Variants in EYS observed in about 807,000 individuals in gnomAD.
EYS encodes the protein EGF-like photoreceptor maintenance factor.
In EYS, 250 loss-of-function variants were observed where a neutral mutation model predicts 282.1. That is an observed-to-expected ratio of 0.89 (90% CI 0.80 to 0.98). The LOEUF (loss-of-function observed/expected upper bound fraction) is 0.98. Among genes scored for constraint, EYS ranks in the 50% least tolerant of loss-of-function variants. EYS has a pLI of 0.00. For synonymous variants in EYS, 1,355 were observed against 1,282.9 expected, an observed-to-expected ratio of 1.06 and a Z score of -1.20; for missense variants, 4,016 against 3,709.0, an observed-to-expected ratio of 1.08 and a Z score of -2.15.
chr6:64,557,315 G>A (rs1423906572), intron 26 of EYS, among the ~76,000 whole-genome samples: 1 of 151,672 alleles, frequency 6.6e-6, no homozygotes, highest in Non-Finnish European at 1.5e-5. Context: ...GAAAATTTGT[G>A]ATTACAAGTT....
chr6:64,372,716 T>C (rs1031480191), intron 29 of EYS, among the ~76,000 whole-genome samples: 2 of 152,222 alleles, frequency 1.3e-5, no homozygotes, highest in African/African-American at 4.8e-5. Flanking sequence ...CATAATCCCA[T>C]ATTTGTCAGA....
intron 12 of EYS, among the ~76,000 whole-genome samples, chr6:65,091,460 T>C (rs1332132479): frequency 1.3e-5 from 2 of 150,068 alleles, no homozygotes; most frequent in Non-Finnish European, 3.0e-5. Flanking sequence ...AAGAAATAAA[T>C]AAATAAATAA....
At chr6:64,397,003 C>T (rs1364004488) in intron 28 of EYS, among the ~76,000 whole-genome samples, 2 of 151,924 alleles carry the variant, frequency 1.3e-5, no homozygotes, top group Admixed American at 1.3e-4. Context: ...TATTACACTG[C>T]CTGATACTGA....
At chr6:64,604,917 C>T (rs1037577928) in intron 24 of EYS, among the ~76,000 whole-genome samples, 2 of 151,960 alleles carry the variant, frequency 1.3e-5, no homozygotes, top group Admixed American at 1.3e-4. Flanking sequence ...GGTCAAGATG[C>T]ATTGTTTTAG....
intron 22 of EYS, among the ~76,000 whole-genome samples, chr6:64,770,607 G>T (rs1194619382): frequency 1.3e-5 from 2 of 151,760 alleles, no homozygotes; most frequent in Non-Finnish European, 2.9e-5. Context: ...AAACTCAATC[G>T]TCGAAACTAG....
At chr6:64,320,091 GTTTT>G in intron 29 of EYS, among the ~76,000 whole-genome samples, 1 of 151,950 alleles carries the variant, frequency 6.6e-6, no homozygotes, top group Admixed American at 6.6e-5. Context: ...GTGTTGAAGG[GTTTT>G]TTTGTTTTTT....
At chr6:65,178,608 A>G (rs913655308) in intron 12 of EYS, among the ~76,000 whole-genome samples, 1 of 152,172 alleles carries the variant, frequency 6.6e-6, no homozygotes, top group East Asian at 2.0e-4. Flanking sequence ...ACACATTAAT[A>G]GTGGGAGACT....
At chr6:63,955,775 G>A (rs779779173) in intron 35 of EYS, among the ~76,000 whole-genome samples, 4 of 151,906 alleles carry the variant, frequency 2.6e-5, no homozygotes, top group Non-Finnish European at 5.9e-5. Flanking sequence ...AAGTAATTAC[G>A]CTGAACCCCC....
rs1769473557 is a variant in EYS at position 64,950,821 on chromosome 6, ATATATATATAT to A, written c.2260-4918_2260-4908del. ...TACATATATATATATATATATATAT[ATATATATATAT>A]ATTGTTGAATTGTTACAAGAACAAC... On this transcript the variant is annotated intron_variant, in intron 14 of 42. Transcript: ENST00000503581. 9.4e-5 allele frequency among the ~76,000 whole-genome samples: 11 copies of A among 116,446 alleles called. No individual in the cohort carries two copies. In the South Asian group the frequency reaches 2.8e-3, roughly 30 times the overall value. The allele number at this position is 116,446 out of a possible 152,430, so 76.4% of individuals were successfully genotyped here. A position where few individuals can be genotyped will look rare whatever the true frequency, so the allele number is the denominator to read the frequency against.
chr6:63,947,058 A>G (rs1288695477), intron 35 of EYS, among the ~76,000 whole-genome samples: 1 of 152,076 alleles, frequency 6.6e-6, no homozygotes, highest in Non-Finnish European at 1.5e-5. Context: ...AAAATCATGA[A>G]ATATTCATGA....
At chr6:64,973,562 T>C (rs1011187339) in intron 14 of EYS, among the ~76,000 whole-genome samples, 5 of 152,050 alleles carry the variant, frequency 3.3e-5, no homozygotes, top group African/African-American at 1.2e-4. Context: ...TTTACCATTC[T>C]ATATTCATTT....
intron 22 of EYS, among the ~76,000 whole-genome samples, chr6:64,699,254 A>G (rs1770698778): frequency 6.6e-6 from 1 of 152,140 alleles, no homozygotes; most frequent in African/African-American, 2.4e-5. Context: ...GTTCTTTCTT[A>G]CAAGTGGGAA....
At chr6:65,048,177 CT>C (rs1773158303) in intron 13 of EYS, among the ~76,000 whole-genome samples, 1 of 151,860 alleles carries the variant, frequency 6.6e-6, no homozygotes, top group Non-Finnish European at 1.5e-5. Context: ...CACGTTCCCC[CT>C]ATTTAGCCTC....
chr6:65,195,836 T>C (rs1017681243), intron 12 of EYS, among the ~76,000 whole-genome samples: 2 of 152,048 alleles, frequency 1.3e-5, no homozygotes, highest in Non-Finnish European at 2.9e-5. Context: ...CAGTATTCTG[T>C]CTCTGTGTTT....
At chr6:64,071,005 C>T (rs1771554631) in intron 32 of EYS, among the ~76,000 whole-genome samples, 1 of 151,982 alleles carries the variant, frequency 6.6e-6, no homozygotes, top group Admixed American at 6.6e-5. Flanking sequence ...TGTGTGAGAG[C>T]TTACCTCCAC....
chr6:64,509,437 T>C (rs2150517798), intron 26 of EYS, among the ~76,000 whole-genome samples: 1 of 152,302 alleles, frequency 6.6e-6, no homozygotes, highest in East Asian at 1.9e-4. Flanking sequence ...TGTGAAATTA[T>C]ATGTTCCTTA....
chr6:63,984,549 T>C lies in EYS; in HGVS notation c.6889A>G (p.Lys2297Glu), dbSNP rs1370813576. 7 of 1,549,724 alleles carry C rather than the reference T, an allele frequency of 4.5e-6. No individual in the cohort carries two copies. The highest frequency in any genetic ancestry group is 1.4e-5 in the African/African-American group (1 of 72,966). The change falls in exon 35 of 43, where the codon AAG (lysine) becomes GAG (glutamate). Residue 2297 changes from lysine to glutamate, a missense_variant. Physicochemically the swap from Lys to Glu is moderately conservative, Grantham distance 56 (BLOSUM62 1). Coordinates refer to ENST00000503581, the MANE Select transcript of EYS (RefSeq NM_001142800.2). ...AACCCATAAACAGGACCTGCTTTCT[T>C]ATGAATTTGAACATTTGCAGGAATA... is the stretch of plus-strand genomic sequence containing the variant. ...GHIPANVQIH[K>E]KAGPVYGFRG...
chr6:64,945,095 G>A (rs2150095552), intron 15 of EYS, among the ~76,000 whole-genome samples: 1 of 148,642 alleles, frequency 6.7e-6, no homozygotes, highest in South Asian at 2.1e-4. Flanking sequence ...CTGAGTGCCG[G>A]TCCCCTGGGC....
chr6:64,018,462 A>T (rs1769000820), intron 33 of EYS, among the ~76,000 whole-genome samples: 2 of 152,154 alleles, frequency 1.3e-5, no homozygotes, highest in African/African-American at 4.8e-5. Context: ...TTGCACATTG[A>T]GTAAGAATAA....
Sources: gnomAD v4.1 joint callset for allele counts (sites outside exome capture counted in the v4.1 genomes callset) on GRCh38, gnomAD v4.1.1 for gene constraint, MANE v1.5 for transcripts, NCBI Gene and HGNC (gene_info 2026-07-23, HGNC 2026-07-21) for gene names.